Variants in SRD5A2 observed in about 807,000 individuals in gnomAD.
SRD5A2 encodes 3-oxo-5-alpha-steroid 4-dehydrogenase 2.
A neutral mutation model predicts 27.4 loss-of-function variants in SRD5A2; 30 were observed. That is an observed-to-expected ratio of 1.10 (90% confidence interval 0.82 to 1.49). The LOEUF (loss-of-function observed/expected upper bound fraction) is 1.49, where lower values mean the gene tolerates loss of function less well. SRD5A2 is among the 40% of genes most tolerant of loss of function. SRD5A2 has a pLI of 0.00. For synonymous variants in SRD5A2, 141 were observed against 133.6 expected (o/e 1.06, Z -0.38); for missense variants, 348 against 323.4 (o/e 1.08, Z -0.58).
chr2:31,662,236 T>C, the SRD5A2 span, among the ~76,000 whole-genome samples: 9 of 152,316 alleles, frequency 5.9e-5, no homozygotes, highest in Admixed American at 5.9e-4. Context: ...ATGAATGACA[T>C]GTTGTAGAGA....
intron 1 of SRD5A2, among the ~76,000 whole-genome samples, chr2:31,536,687 T>C (rs1349855958): frequency 6.6e-6 from 1 of 152,152 alleles, no homozygotes; most frequent in Non-Finnish European, 1.5e-5. Flanking sequence ...AAGCTGGAAA[T>C]AGTTCAAAGC....
the SRD5A2 span, among the ~76,000 whole-genome samples, chr2:31,587,000 A>G: frequency 1.3e-5 from 2 of 152,232 alleles, no homozygotes; most frequent in East Asian, 3.8e-4. Flanking sequence ...GGAGAAATTC[A>G]GAATTCTATC....
chr2:31,563,479 A>G (rs1401308059), intron 1 of SRD5A2: 6 of 152,202 alleles, frequency 3.9e-5, no homozygotes. Flanking sequence ...GACTCACACC[A>G]CCTCATAACT....
At chr2:31,644,690 C>T in the SRD5A2 span, among the ~76,000 whole-genome samples, 1 of 152,090 alleles carries the variant, frequency 6.6e-6, no homozygotes, top group Non-Finnish European at 1.5e-5. Flanking sequence ...ATTGAGAACC[C>T]TTGATATAAA....
At chr2:31,614,164 A>G in the SRD5A2 span, among the ~76,000 whole-genome samples, 2 of 152,226 alleles carry the variant, frequency 1.3e-5, no homozygotes, top group Non-Finnish European at 2.9e-5. Flanking sequence ...TATCTGAGAC[A>G]TGGCAAGTCC....
At chr2:31,651,121 T>C in the SRD5A2 span, among the ~76,000 whole-genome samples, 15 of 152,252 alleles carry the variant, frequency 9.9e-5, no homozygotes, top group African/African-American at 2.4e-4. Flanking sequence ...AGAAGACCAA[T>C]AGATGGTGCC....
At chr2:31,616,772 A>G in the SRD5A2 span, among the ~76,000 whole-genome samples, 1 of 152,100 alleles carries the variant, frequency 6.6e-6, no homozygotes, top group African/African-American at 2.4e-5. Context: ...ATGAGTTAAG[A>G]CTTTGGGGGG....
chr2:31,537,193 C>G (rs975795762), intron 1 of SRD5A2, among the ~76,000 whole-genome samples: 1 of 152,196 alleles, frequency 6.6e-6, no homozygotes, highest in African/African-American at 2.4e-5. Context: ...AAAATAAATT[C>G]AAACTCTATA....
chr2:31,607,145 A>T, the SRD5A2 span, among the ~76,000 whole-genome samples: 1 of 152,068 alleles, frequency 6.6e-6, no homozygotes, highest in Admixed American at 6.6e-5. Context: ...ACATAGCATC[A>T]GTTATCTTAT....
chr2:31,582,863 T>A (rs906309631), upstream of SRD5A2, among the ~76,000 whole-genome samples: 1 of 151,886 alleles, frequency 6.6e-6, no homozygotes, highest in Admixed American at 6.5e-5. Context: ...AAACAATAGA[T>A]TTCATGATAC....
rs564403641 is a variant in SRD5A2, at chr2:31,580,747, C to A, written c.154G>T (p.Ala52Ser). Residue 52 changes from alanine (A) to serine (S), a missense_variant, in exon 1 of 5, where the codon GCC becomes TCC. By Grantham distance (99) the Ala-to-Ser change is moderately conservative (BLOSUM62 1). Coordinates refer to ENST00000622030, the MANE Select transcript of SRD5A2 (RefSeq NM_000348.4). ...GAAGGCAGCTCCTGCAGGAACCAGG[C>A]GGCGCGGGCTGGCAGGCGGGTAGCC... ...PAATRLPARA[A>S]WFLQELPSFA... 23 of 1,609,988 alleles carry A rather than the reference C, an allele frequency of 1.4e-5. No individual in the cohort carries two copies. The highest frequency in any genetic ancestry group is 1.9e-5 in the Non-Finnish European group (22 of 1,179,616).
chr2:31,619,799 T>C, the SRD5A2 span, among the ~76,000 whole-genome samples: 1 of 152,164 alleles, frequency 6.6e-6, no homozygotes, highest in African/African-American at 2.4e-5. Context: ...TGTTTGTTTC[T>C]TATAAATTTG....
At chr2:31,616,781 G>T in the SRD5A2 span, among the ~76,000 whole-genome samples, 7 of 152,154 alleles carry the variant, frequency 4.6e-5, no homozygotes, top group Non-Finnish European at 1.0e-4. Context: ...GACTTTGGGG[G>T]GCTGTTGGGA....
chr2:31,643,197 A>AT, the SRD5A2 span, among the ~76,000 whole-genome samples: 2 of 152,162 alleles, frequency 1.3e-5, no homozygotes, highest in Admixed American at 6.5e-5. Context: ...AAATTGGCAA[A>AT]TTTTAATATA....
the SRD5A2 span, among the ~76,000 whole-genome samples, chr2:31,608,685 C>A: frequency 6.6e-6 from 1 of 151,772 alleles, no homozygotes; most frequent in Non-Finnish European, 1.5e-5. Context: ...CCAAACAGAA[C>A]AAAATACTTA....
chr2:31,617,429 C>T, the SRD5A2 span, among the ~76,000 whole-genome samples: 7 of 152,324 alleles, frequency 4.6e-5, no homozygotes, highest in African/African-American at 1.2e-4. Flanking sequence ...GCCCTGGAGA[C>T]ATTTTCCCCA....
chr2:31,634,773 G>C, the SRD5A2 span, among the ~76,000 whole-genome samples: 2 of 151,974 alleles, frequency 1.3e-5, no homozygotes, highest in Non-Finnish European at 2.9e-5. Context: ...ATATAAATGA[G>C]ATCATGCGAT....
At chr2:31,592,531 T>C in the SRD5A2 span, among the ~76,000 whole-genome samples, 1 of 152,180 alleles carries the variant, frequency 6.6e-6, no homozygotes, top group Non-Finnish European at 1.5e-5. Flanking sequence ...ACAGGACTCT[T>C]TGTAGACATT....
At chr2:31,568,672 A>G (rs1572652609) in intron 1 of SRD5A2, among the ~76,000 whole-genome samples, 2 of 152,026 alleles carry the variant, frequency 1.3e-5, no homozygotes, top group African/African-American at 4.8e-5. Context: ...TTCACCCGAG[A>G]CCTGCCCCTT....
Sources: gnomAD v4.1 joint callset for allele counts (sites outside exome capture counted in the v4.1 genomes callset) on GRCh38, gnomAD v4.1.1 for gene constraint, MANE v1.5 for transcripts, NCBI Gene and HGNC (gene_info 2026-07-23, HGNC 2026-07-21) for gene names.